The following GRB10 variants were observed in gnomAD, a reference collection of about 807,000 sequenced individuals.
GRB10 encodes growth factor receptor bound protein 10.
Under a neutral mutation model 80.9 loss-of-function variants are expected in GRB10, and 20 were observed. The ratio of observed to expected loss-of-function variants is 0.25; its 90% confidence interval spans 0.17 to 0.36. The LOEUF (loss-of-function observed/expected upper bound fraction) is 0.36. GRB10 is among the 10% of genes least tolerant of loss of function. GRB10 has a pLI of 1.00. For synonymous variants in GRB10, 291 were observed against 291.5 expected, an observed-to-expected ratio of 1.00 and a Z score of 0.02; for missense variants, 548 against 747.7, an observed-to-expected ratio of 0.73 and a Z score of 3.12.
In GRB10 at chr7:50,622,179, C is replaced by T. The variant is rs185207676; in HGVS notation, c.662-2894G>A. On this transcript the variant is annotated intron_variant, in intron 8 of 18. Transcript: ENST00000401949. The stretch of plus-strand genomic sequence containing the variant: ...AGAGTAATCAGTGAGATAGCCCTGA[C>T]GTGTGGATAAGGCCGTAAGTGGACT... 8.9e-4 allele frequency among the ~76,000 whole-genome samples: 135 copies of T among 152,328 alleles called. 1 individual carries two copies. Among genetic ancestry groups the T allele is most frequent in the African/African-American group, 3.1e-3 (127 of 41,558 alleles).
Position 50,732,335 on chromosome 7 carries a change from CCTT to C in GRB10, c.-16_-14del. On this transcript the variant is annotated 5_prime_UTR_variant, in exon 4 of 19. Transcript: ENST00000401949. ...CGGCTAAAGCCATGGGTTCCTTCTG[CCTT>C]CTTCAAATTACATTTACTGCGCTGC... 3.7e-6 allele frequency: 6 copies of C among 1,613,430 alleles called. No homozygotes were observed. The East Asian group carries it at 1.3e-4, about 36-fold the overall frequency.
intron 7 of GRB10, among the ~76,000 whole-genome samples, chr7:50,634,210 G>A (rs2054522953): frequency 6.6e-6 from 1 of 152,152 alleles, no homozygotes. Context: ...AACCTTACAA[G>A]TCAGAAGAGA....
chr7:50,612,235 T>C (rs948105845), intron 13 of GRB10, among the ~76,000 whole-genome samples: 2 of 152,150 alleles, frequency 1.3e-5, no homozygotes, highest in African/African-American at 4.8e-5. Flanking sequence ...GTCGTGAAAA[T>C]AATTAACACC....
intron 3 of GRB10, among the ~76,000 whole-genome samples, chr7:50,737,387 G>A (rs979651958): frequency 5.3e-5 from 8 of 152,200 alleles, no homozygotes; most frequent in African/African-American, 1.7e-4. Context: ...CTCCAGCCAC[G>A]TAAGATGTGC....
chr7:50,780,115 CATG>C (rs2078129475), intron 2 of GRB10, among the ~76,000 whole-genome samples: 1 of 152,180 alleles, frequency 6.6e-6, no homozygotes, highest in Non-Finnish European at 1.5e-5. Flanking sequence ...GCCCATTCCA[CATG>C]AAAACAGAAG....
intron 17 of GRB10, among the ~76,000 whole-genome samples, chr7:50,601,707 C>T (rs2047640180): frequency 6.6e-6 from 1 of 151,748 alleles, no homozygotes; most frequent in African/African-American, 2.4e-5. Flanking sequence ...AGTAAAAAAT[C>T]CTGTAATCTC....
At chr7:50,623,245 C>T (rs1454681864) in intron 8 of GRB10, among the ~76,000 whole-genome samples, 1 of 152,208 alleles carries the variant, frequency 6.6e-6, no homozygotes, top group Non-Finnish European at 1.5e-5. Context: ...ACATCCCCAA[C>T]AGGTAGAACC....
At chr7:50,630,525 G>A (rs1277991464) in intron 7 of GRB10, among the ~76,000 whole-genome samples, 1 of 152,130 alleles carries the variant, frequency 6.6e-6, no homozygotes, top group Non-Finnish European at 1.5e-5. Flanking sequence ...GAAGGCCTGT[G>A]GACAACCACC....
intron 7 of GRB10, among the ~76,000 whole-genome samples, chr7:50,642,554 C>CA: frequency 6.6e-6 from 1 of 151,798 alleles, no homozygotes; most frequent in Non-Finnish European, 1.5e-5. Context: ...ATACAAAATC[C>CA]AAAAAACTCT....
chr7:50,601,750 A>G (rs2047648397), intron 17 of GRB10, among the ~76,000 whole-genome samples: 1 of 152,180 alleles, frequency 6.6e-6, no homozygotes, highest in Non-Finnish European at 1.5e-5. Context: ...CGTGAACCCA[A>G]CATTTATTTT....
At position 50,592,945 on chromosome 7, in the gene GRB10, T is replaced by A. The variant is rs774351478; in HGVS notation, c.*7A>T. The A allele has an allele frequency of 3.7e-6, 6 of 1,614,186 alleles. No homozygotes were observed. The highest frequency in any genetic ancestry group is 5.1e-6 in the Non-Finnish European group (6 of 1,180,010). The stretch of plus-strand genomic sequence containing the variant: ...CCTCCAGTCTTCAGCCGAGAGGACA[T>A]CTGCGGTCATAAGGCCACTCGGATG... On this transcript the variant is annotated 3_prime_UTR_variant, in exon 19 of 19. Coordinates refer to ENST00000401949, the MANE Select transcript of GRB10 (RefSeq NM_001350814.2).
chr7:50,612,450 C>A (rs1233347191), intron 13 of GRB10, among the ~76,000 whole-genome samples: 2 of 152,078 alleles, frequency 1.3e-5, no homozygotes, highest in African/African-American at 2.4e-5. Context: ...ATCTAAGTGG[C>A]CTGCAATGCT....
intron 7 of GRB10, among the ~76,000 whole-genome samples, chr7:50,668,869 C>T (rs2060075050): frequency 6.6e-6 from 1 of 152,222 alleles, no homozygotes; most frequent in South Asian, 2.1e-4. Context: ...CTCTGTGCCT[C>T]AGTTTCCTCA....
intron 2 of GRB10, among the ~76,000 whole-genome samples, chr7:50,775,572 C>T (rs1469108949): frequency 6.6e-6 from 1 of 152,248 alleles, no homozygotes; most frequent in Non-Finnish European, 1.5e-5. Flanking sequence ...GTGCCCCCAG[C>T]CTCAAGACTC....
At chr7:50,697,799 G>T (rs1170622886) in intron 5 of GRB10, among the ~76,000 whole-genome samples, 1 of 152,194 alleles carries the variant, frequency 6.6e-6, no homozygotes, top group Non-Finnish European at 1.5e-5. Flanking sequence ...ACTCCTGTAG[G>T]CTGTGCTGTG....
intron 4 of GRB10, among the ~76,000 whole-genome samples, chr7:50,715,972 C>T (rs564819976): frequency 6.6e-6 from 1 of 152,214 alleles, no homozygotes; most frequent in Non-Finnish European, 1.5e-5. Flanking sequence ...AATCTCCCTT[C>T]CAGGCAGAGC....
intron 7 of GRB10, among the ~76,000 whole-genome samples, chr7:50,655,807 G>A (rs1410674420): frequency 1.3e-5 from 2 of 152,196 alleles, no homozygotes; most frequent in African/African-American, 4.8e-5. Flanking sequence ...CCACCATCCA[G>A]GGTGCCTGTG....
chr7:50,704,850 A>G (rs375086968), intron 4 of GRB10, among the ~76,000 whole-genome samples: 8 of 152,342 alleles, frequency 5.3e-5, no homozygotes, highest in African/African-American at 1.9e-4. Flanking sequence ...CCACTGAGGC[A>G]TGGGAAGGTG....
chr7:50,671,898 G>T (rs1487995203), intron 6 of GRB10, among the ~76,000 whole-genome samples: 1 of 152,216 alleles, frequency 6.6e-6, no homozygotes, highest in Non-Finnish European at 1.5e-5. Flanking sequence ...CACCAAAGAG[G>T]CTCACAATAG....
Sources: allele counts gnomAD v4.1 joint callset (sites outside exome capture counted in the v4.1 genomes callset), GRCh38; gene constraint gnomAD v4.1.1; transcripts MANE v1.5; gene names NCBI Gene and HGNC (gene_info 2026-07-23, HGNC 2026-07-21).